The following ST18 variants were observed in gnomAD, a reference collection of about 807,000 sequenced individuals.
The protein encoded by ST18 is ST18 C2H2C-type zinc finger transcription factor, also known as suppression of tumorigenicity 18 protein.
Under a neutral mutation model 110.0 loss-of-function variants are expected in ST18, and 50 were observed. The ratio of observed to expected loss-of-function variants is 0.45; its 90% CI spans 0.36 to 0.58. ST18 has a LOEUF of 0.58. Ranked by LOEUF, ST18 falls within the 20% of genes least tolerant of loss-of-function variation. The pLI, the probability that ST18 is intolerant of heterozygous loss-of-function variation, is 0.00. For synonymous variants in ST18, 461 were observed against 452.4 expected (o/e 1.02, Z -0.24); for missense variants, 1,306 against 1,280.1 (o/e 1.02, Z -0.31).
chr8:52,208,097 T>C (rs1289006437), intron 8 of ST18, among the ~76,000 whole-genome samples: 2 of 152,242 alleles, frequency 1.3e-5, no homozygotes, highest in Non-Finnish European at 2.9e-5. Flanking sequence ...GTGATGATAG[T>C]AGCTGACATC....
chr8:52,219,719 A>C (rs1289303038), intron 5 of ST18, among the ~76,000 whole-genome samples: 2 of 152,298 alleles, frequency 1.3e-5, no homozygotes, highest in East Asian at 3.9e-4. Context: ...ATGTGTAGGC[A>C]CATTCCCCCC....
chr8:52,385,487 C>A (rs919803737), intron 2 of ST18, among the ~76,000 whole-genome samples: 2 of 151,816 alleles, frequency 1.3e-5, no homozygotes, highest in African/African-American at 2.4e-5. Context: ...GTAATCCCAG[C>A]TACTCAAGAG....
chr8:52,217,295 T>G (rs1188044289), intron 6 of ST18, among the ~76,000 whole-genome samples: 1 of 152,178 alleles, frequency 6.6e-6, no homozygotes, highest in Non-Finnish European at 1.5e-5. Flanking sequence ...GGGTTCCTCC[T>G]GGCTTTGAGA....
intron 2 of ST18, among the ~76,000 whole-genome samples, chr8:52,276,830 G>T (rs555827348): frequency 6.7e-6 from 1 of 150,238 alleles, no homozygotes; most frequent in Non-Finnish European, 1.5e-5. Context: ...GCAGTGGTGC[G>T]ATCTCGGCTC....
At chr8:52,245,702 A>G (rs1305718476) in intron 2 of ST18, among the ~76,000 whole-genome samples, 1 of 152,136 alleles carries the variant, frequency 6.6e-6, no homozygotes, top group Non-Finnish European at 1.5e-5. Flanking sequence ...ACCAACAAAT[A>G]TAATATTTAA....
chr8:52,298,401 T>C (rs1304405476), intron 2 of ST18, among the ~76,000 whole-genome samples: 1 of 152,152 alleles, frequency 6.6e-6, no homozygotes, highest in Non-Finnish European at 1.5e-5. Flanking sequence ...AAAGCCTCAT[T>C]TTATGGTCAT....
chr8:52,357,676 A>T lies in ST18; in HGVS notation c.-465+51652T>A, dbSNP rs200835540. Among the ~76,000 whole-genome samples the T allele has an allele frequency of 8.8e-3, 336 of 38,352 alleles. 6 individuals carry two copies. The highest frequency in any genetic ancestry group is 0.033 in the African/African-American group (317 of 9,576). The allele number at this position is 38,352 out of a possible 152,430, so 25.2% of individuals were successfully genotyped here. On this transcript the variant is annotated intron_variant, in intron 2 of 25. Transcript: ENST00000689386. ...ACATAACAAATCCCCAAAATCTATAAATATATATATATATATATATATATA... is the reference window on the plus strand; with the variant it reads ...ACATAACAAATCCCCAAAATCTATATATATATATATATATATATATATATA...
intron 17 of ST18, among the ~76,000 whole-genome samples, chr8:52,141,505 T>G (rs1249368343): frequency 6.6e-6 from 1 of 152,200 alleles, no homozygotes; most frequent in Non-Finnish European, 1.5e-5. Flanking sequence ...CCGTCCCCAC[T>G]TTGTGCCCTC....
chr8:52,335,324 T>A (rs1811521915), intron 2 of ST18, among the ~76,000 whole-genome samples: 1 of 151,250 alleles, frequency 6.6e-6, no homozygotes, highest in Non-Finnish European at 1.5e-5. Flanking sequence ...GACATCTCCC[T>A]CCCTCTCGCC....
At chr8:52,339,587 G>A (rs139085373) in intron 2 of ST18, among the ~76,000 whole-genome samples, 33 of 152,320 alleles carry the variant, frequency 2.2e-4, no homozygotes, top group African/African-American at 6.5e-4. Context: ...TTGCCTGATG[G>A]CTTCTGCCCT....
intron 10 of ST18, among the ~76,000 whole-genome samples, chr8:52,167,701 T>C (rs544380217): frequency 6.6e-5 from 10 of 152,282 alleles, no homozygotes; most frequent in African/African-American, 2.4e-4. Context: ...AAGGGAAATG[T>C]TCTTGCAGGA....
Position 52,184,089 on chromosome 8 carries a change from A to G in ST18, c.87-3777T>C, listed in dbSNP as rs969211170. ...GCAATGAGGGAAAGCCATGCTTTACATGTCACTGAGAGAAATGCCACAAAA... is the reference window on the plus strand; with the variant it reads ...GCAATGAGGGAAAGCCATGCTTTACGTGTCACTGAGAGAAATGCCACAAAA... On this transcript the variant is annotated intron_variant, in intron 8 of 25. Coordinates refer to ENST00000689386, the MANE Select transcript of ST18 (RefSeq NM_001352837.2). Among the ~76,000 whole-genome samples, 3 of 152,210 alleles carry G rather than the reference A, an allele frequency of 2.0e-5. No homozygotes were observed. In the East Asian group the frequency reaches 5.8e-4, roughly 29 times the overall value.
chr8:52,268,468 C>CATCT (rs55683613), intron 2 of ST18, among the ~76,000 whole-genome samples: 46,770 of 148,454 alleles, frequency 0.32, 7,352 homozygotes, highest in East Asian at 0.36. Context: ...ATCTATCTAT[C>CATCT]ATCTATCTAT....
intron 9 of ST18, among the ~76,000 whole-genome samples, chr8:52,173,269 C>T (rs1388558944): frequency 6.6e-6 from 1 of 152,186 alleles, no homozygotes; most frequent in African/African-American, 2.4e-5. Context: ...TGAATAGTAA[C>T]ACATTTTCTG....
chr8:52,121,339 A>C (rs2044729614), intron 23 of ST18, among the ~76,000 whole-genome samples: 1 of 152,198 alleles, frequency 6.6e-6, no homozygotes, highest in South Asian at 2.1e-4. Flanking sequence ...TCAGAGAATT[A>C]ATCAGTGAAG....
chr8:52,268,060 A>G (rs1017792822), intron 2 of ST18, among the ~76,000 whole-genome samples: 1 of 152,204 alleles, frequency 6.6e-6, no homozygotes, highest in African/African-American at 2.4e-5. Context: ...TCCCTTTGGG[A>G]AGAATAGAAT....
intron 2 of ST18, among the ~76,000 whole-genome samples, chr8:52,400,614 T>TG (rs1397792447): frequency 1.3e-5 from 2 of 152,092 alleles, no homozygotes; most frequent in African/African-American, 4.8e-5. Context: ...TTGTGTACCA[T>TG]GGGGCTTACA....
intron 2 of ST18, among the ~76,000 whole-genome samples, chr8:52,339,539 C>G (rs958175120): frequency 9.2e-5 from 14 of 152,242 alleles, no homozygotes; most frequent in Non-Finnish European, 1.5e-4. Context: ...TGCCTCCACA[C>G]AAGTTTTGAA....
intron 3 of ST18, among the ~76,000 whole-genome samples, chr8:52,228,732 T>C (rs2090351482): frequency 6.6e-6 from 1 of 152,086 alleles, no homozygotes; most frequent in Non-Finnish European, 1.5e-5. Context: ...CTCACCACCT[T>C]ACCCGGGGTT....
Sources: allele counts gnomAD v4.1 joint callset (sites outside exome capture counted in the v4.1 genomes callset), GRCh38; gene constraint gnomAD v4.1.1; transcripts MANE v1.5; gene names NCBI Gene and HGNC (gene_info 2026-07-23, HGNC 2026-07-21).